The following SPTLC2 variants were observed in gnomAD, a reference collection of about 807,000 sequenced individuals.
SPTLC2 encodes serine palmitoyltransferase 2.
In SPTLC2, 21 loss-of-function variants were observed where a neutral mutation model predicts 62.0. That is an observed-to-expected ratio of 0.34 (90% CI 0.24 to 0.49). The LOEUF (loss-of-function observed/expected upper bound fraction) is 0.49, where lower values mean the gene tolerates loss of function less well. Ranked by LOEUF, SPTLC2 falls within the 20% of genes least tolerant of loss-of-function variation. The probability of loss-of-function intolerance (pLI) is 0.99; values close to 1 mark genes in which losing one functional copy is unlikely to be tolerated. For synonymous variants in SPTLC2, 261 were observed against 261.8 expected, an observed-to-expected ratio of 1.00 and a Z score of 0.03; for missense variants, 511 against 713.0, an observed-to-expected ratio of 0.72 and a Z score of 3.23.
At chr14:77,602,661 G>A (rs772246066) in intron 1 of SPTLC2, among the ~76,000 whole-genome samples, 9 of 151,306 alleles carry the variant, frequency 5.9e-5, no homozygotes, top group South Asian at 2.1e-4. Context: ...GTGATCCTCC[G>A]GCCTCAGCCT....
chr14:77,597,305 C>A lies in SPTLC2; in HGVS notation c.208G>T (p.Val70Phe), dbSNP rs2079852647. ...TACCCCACATACGTGAGCACAGCAA[C>A]CAGCATTGGTGTTTCTTCAAAAGCT... Reference protein sequence around the residue: ...NEAFEETPMLVAVLTYVGYGV... With the variant: ...NEAFEETPMLFAVLTYVGYGV... The change falls in exon 2 of 12, where the codon GTT becomes TTT. Residue 70 changes from valine (V) to phenylalanine (F), a missense_variant. Transcript: ENST00000216484. 3.1e-6 allele frequency: 5 copies of A among 1,614,150 alleles called. No individual in the cohort carries two copies. The highest frequency in any genetic ancestry group is 4.2e-6 in the Non-Finnish European group (5 of 1,180,030).
intron 2 of SPTLC2, among the ~76,000 whole-genome samples, chr14:77,591,726 G>T (rs112773204): frequency 0.062 from 3,960 of 63,806 alleles, 179 homozygotes; most frequent in African/African-American, 0.15. Context: ...ATGTATGTAT[G>T]TATGTATTTA....
At chr14:77,586,949 G>T (rs1173840232) in intron 2 of SPTLC2, among the ~76,000 whole-genome samples, 2 of 152,160 alleles carry the variant, frequency 1.3e-5, no homozygotes, top group African/African-American at 2.4e-5. Context: ...TTCTTGGCCG[G>T]GCGCAGTGGC....
intron 9 of SPTLC2, among the ~76,000 whole-genome samples, chr14:77,540,139 T>C (rs2079492714): frequency 7.1e-6 from 1 of 140,796 alleles, no homozygotes; most frequent in African/African-American, 2.7e-5. Context: ...GAGGTTGCGG[T>C]AAGCAGAGGT....
chr14:77,597,458 T>A, intron 1 of SPTLC2, 78 bp from the exon 2 acceptor site: 1 of 1,362,694 alleles, frequency 7.3e-7, no homozygotes, highest in East Asian at 2.4e-5. Flanking sequence ...TCCTTAGAGA[T>A]TTGCTGAATT....
At chr14:77,582,057 AAAAAT>A (rs2079754236) in intron 2 of SPTLC2, among the ~76,000 whole-genome samples, 2 of 151,474 alleles carry the variant, frequency 1.3e-5, no homozygotes, top group Admixed American at 1.3e-4. Context: ...AATTAAAAAA[AAAAAT>A]TTTTTTTTGA....
chr14:77,525,309 G>A (rs1594970385), intron 9 of SPTLC2, among the ~76,000 whole-genome samples: 3 of 151,930 alleles, frequency 2.0e-5, no homozygotes, highest in Non-Finnish European at 2.9e-5. Flanking sequence ...TACGAAAAAT[G>A]AGCCAGGCAC....
intron 1 of SPTLC2, among the ~76,000 whole-genome samples, chr14:77,607,867 T>C (rs1476222515): frequency 1.3e-5 from 2 of 152,182 alleles, no homozygotes; most frequent in African/African-American, 4.8e-5. Flanking sequence ...GACACTACCC[T>C]TTAGCACAAC....
intron 9 of SPTLC2, chr14:77,535,538 C>CA (rs2079465296): frequency 6.3e-6 from 1 of 158,340 alleles, no homozygotes; most frequent in South Asian, 1.8e-4. Flanking sequence ...AACACAGTAG[C>CA]AAGTGGTAGA....
intron 6 of SPTLC2, among the ~76,000 whole-genome samples, chr14:77,557,640 C>T (rs2079591977): frequency 6.6e-6 from 1 of 152,192 alleles, no homozygotes; most frequent in African/African-American, 2.4e-5. Flanking sequence ...TTCCTTTCAC[C>T]CAGGACGTAC....
chr14:77,560,767 C>T (rs1057419799), intron 6 of SPTLC2, among the ~76,000 whole-genome samples: 4 of 151,580 alleles, frequency 2.6e-5, no homozygotes, highest in African/African-American at 4.9e-5. Flanking sequence ...AACAGAAAAC[C>T]AAATACCACA....
chr14:77,542,223 T>G (rs575863418), intron 9 of SPTLC2, among the ~76,000 whole-genome samples: 2 of 152,278 alleles, frequency 1.3e-5, no homozygotes, highest in Non-Finnish European at 2.9e-5. Flanking sequence ...TATTTGAATT[T>G]ATTTCTTTTG....
At chr14:77,520,186 T>C (rs575246781) in intron 10 of SPTLC2, among the ~76,000 whole-genome samples, 1 of 152,176 alleles carries the variant, frequency 6.6e-6, no homozygotes, top group Admixed American at 6.5e-5. Flanking sequence ...CTGATAACTC[T>C]TCATGTTTGT....
At chr14:77,541,606 C>T (rs1277506572) in intron 9 of SPTLC2, among the ~76,000 whole-genome samples, 4 of 152,164 alleles carry the variant, frequency 2.6e-5, no homozygotes, top group Non-Finnish European at 5.9e-5. Flanking sequence ...CTTTCCTTTG[C>T]TCATCTTTTA....
At chr14:77,595,550 G>A (rs2079841938) in intron 2 of SPTLC2, among the ~76,000 whole-genome samples, 1 of 152,154 alleles carries the variant, frequency 6.6e-6, no homozygotes. Flanking sequence ...CTGGGGCTCG[G>A]ATGGAGTACA....
intron 1 of SPTLC2, among the ~76,000 whole-genome samples, chr14:77,599,605 G>A (rs2079866439): frequency 6.6e-6 from 1 of 152,188 alleles, no homozygotes; most frequent in Non-Finnish European, 1.5e-5. Flanking sequence ...TCAACTTGAT[G>A]ATCTAAATAA....
chr14:77,610,596 AT>A (rs1447893135), intron 1 of SPTLC2, among the ~76,000 whole-genome samples: 1 of 152,086 alleles, frequency 6.6e-6, no homozygotes, highest in Non-Finnish European at 1.5e-5. Context: ...CTTAATACCT[AT>A]TTTTTGGAGT....
intron 2 of SPTLC2, among the ~76,000 whole-genome samples, chr14:77,579,799 T>C (rs1280854641): frequency 6.6e-6 from 1 of 152,218 alleles, no homozygotes; most frequent in African/African-American, 2.4e-5. Context: ...TCTCTATGAT[T>C]ATTTTAACAC....
chr14:77,553,203 A>C (rs1419202151), intron 8 of SPTLC2, among the ~76,000 whole-genome samples: 1 of 152,214 alleles, frequency 6.6e-6, no homozygotes, highest in African/African-American at 2.4e-5. Context: ...CACACACAAG[A>C]AGCTTATGTA....
Sources: allele counts gnomAD v4.1 joint callset (sites outside exome capture counted in the v4.1 genomes callset), GRCh38; gene constraint gnomAD v4.1.1; transcripts MANE v1.5; gene names NCBI Gene and HGNC (gene_info 2026-07-23, HGNC 2026-07-21).